The following HOMER3 variants were observed in gnomAD, a reference collection of about 807,000 sequenced individuals.
HOMER3 encodes the protein homer scaffold protein 3.
In HOMER3, 34 loss-of-function variants were observed where a neutral mutation model predicts 45.5. That is an observed-to-expected ratio of 0.75 (90% CI 0.57 to 1.00). HOMER3 has a LOEUF of 1.00. Ranked by LOEUF, HOMER3 falls within the 50% of genes least tolerant of loss-of-function variation. The pLI, the probability that HOMER3 is intolerant of heterozygous loss-of-function variation, is 0.00. For missense variants in HOMER3, 480 were observed against 497.5 expected, an observed-to-expected ratio of 0.96 and a Z score of 0.33; for synonymous variants, 223 against 208.8, an observed-to-expected ratio of 1.07 and a Z score of -0.58.
At chr19:18,932,883 C>CCCCCCCCCCCCCCCCCCCCA in intron 6 of HOMER3, 41 bp downstream of exon 6, 2 of 827,118 alleles carry the variant, frequency 2.4e-6, no homozygotes, top group Non-Finnish European at 3.5e-6. Flanking sequence ...TCCCCCACCC[C>CCCCCCCCCCCCCCCCCCCCA]TACCCCCGCC....
chr19:18,938,777 T>C lies in HOMER3; in HGVS notation c.122A>G (p.Tyr41Cys), dbSNP rs1179841687. ...GCGGTACACATTGCGGGTGGCATCG[T>C]AGAAATAGGAGACAGTGAGTGCGTG... ...GKHALTVSYF[Y>C]DATRNVYRII... The change falls in exon 3 of 10, where the codon TAC becomes TGC. Residue 41 changes from tyrosine (Y) to cysteine (C), a missense_variant. Physicochemically the swap from Tyr to Cys is radical, Grantham distance 194. Transcript: ENST00000392351. The C allele has an allele frequency of 1.3e-6, 2 of 1,595,474 alleles. No homozygotes were observed. Among genetic ancestry groups the C allele is most frequent in the East Asian group, 2.3e-5 (1 of 44,134 alleles).
chr19:18,938,802 G>T lies in HOMER3; in HGVS notation c.97C>A (p.His33Asn), dbSNP rs1380572562. ...TAGAAATAGGAGACAGTGAGTGCGT[G>T]CTTGCCCGCTGGGATCCAGTTTCGC... is the stretch of plus-strand genomic sequence containing the variant. ...TKRNWIPAGK[H>N]ALTVSYFYDA... is the part of the protein sequence containing the mutation. Residue 33 changes from histidine to asparagine, a missense_variant, in exon 3 of 10, where the codon CAC becomes AAC. By Grantham distance (68) the His-to-Asn change is moderately conservative (BLOSUM62 1). Transcript: ENST00000392351. 6.2e-7 allele frequency: 1 copy of T among 1,600,224 alleles called. No individual in the cohort carries two copies. The highest frequency in any genetic ancestry group is 8.5e-7 in the Non-Finnish European group (1 of 1,173,556).
rs371813163 is a variant in HOMER3 at position 18,929,449 on chromosome 19, C to T, written c.1080G>A (p.Ala360=). 5.1e-5 allele frequency: 81 copies of T among 1,592,614 alleles called. No individual in the cohort carries two copies. Among genetic ancestry groups the T allele is most frequent in the African/African-American group, 2.2e-4 (16 of 74,142 alleles). The change falls in exon 10 of 10, where the codon GCG becomes GCA. Residue 360 remains alanine (A), a synonymous_variant. Coordinates refer to ENST00000392351, the MANE Select transcript of HOMER3 (RefSeq NM_004838.4). ...REGLARLAEA[A]P is the part of the protein sequence containing the mutation. ...ATAGAAAACCAGCCCCGGCTCAGGG[C>T]GCAGCCTCAGCCAGGCGGGCCAGGC...
chr19:18,931,251 GTAGA>G, intron 9 of HOMER3, 70 bp downstream of exon 9: 2 of 1,287,690 alleles, frequency 1.6e-6, no homozygotes, highest in South Asian at 2.4e-5. Flanking sequence ...ATCATCTTAG[GTAGA>G]TATTGTCCTG....
intron 4 of HOMER3, among the ~76,000 whole-genome samples, chr19:18,936,325 T>TAA (rs949934317): frequency 1.0e-4 from 14 of 134,652 alleles, no homozygotes; most frequent in South Asian, 5.0e-4. Flanking sequence ...AAAAAATAAA[T>TAA]AAATAAATAA....
At position 18,929,515 on chromosome 19, in the gene HOMER3, C is replaced by A. The variant is rs755713207; in HGVS notation, c.1014G>T (p.Leu338=). 6.3e-7 allele frequency: 1 copy of A among 1,580,094 alleles called. No homozygotes were observed. The highest frequency in any genetic ancestry group is 1.8e-5 in the Admixed American group (1 of 56,324). Residue 338 remains leucine, a synonymous_variant, in exon 10 of 10, where the codon CTG becomes CTT. Coordinates refer to ENST00000392351, the MANE Select transcript of HOMER3 (RefSeq NM_004838.4). ...ARAEVGRAAQ[L]LDVSLFELSE... Reference sequence around the variant, plus strand: ...TCAGCTCAAACAGGCTGACGTCCAGCAGCTGCGCTGCCCGGCCCACCTCAG... The same window carrying A: ...TCAGCTCAAACAGGCTGACGTCCAGAAGCTGCGCTGCCCGGCCCACCTCAG...
intron 9 of HOMER3, 95 bp downstream of exon 9, chr19:18,931,230 C>T: frequency 8.7e-7 from 1 of 1,143,956 alleles, no homozygotes; most frequent in South Asian, 1.3e-5. Context: ...GACTGGGCCT[C>T]CCAATACTTT....
Position 18,931,707 on chromosome 19 carries a change from G to A in HOMER3, c.691-82C>T, listed in dbSNP as rs1396802011. ...CCAACCTCTAGGGAATCTGCCTCCT[G>A]TCTGGCCACGCCCAGGACCGAGCAC... On this transcript the variant is annotated intron_variant, in intron 7 of 9. Transcript: ENST00000392351. The A allele has an allele frequency of 1.1e-5, 16 of 1,518,358 alleles. No individual in the cohort carries two copies. The East Asian group carries it at 3.6e-4, about 34-fold the overall frequency. 94.1% of individuals were successfully genotyped at this position (1,518,358 alleles called of 1,614,324 possible).
chr19:18,932,884 T>TC, intron 6 of HOMER3, 40 bp downstream of exon 6: 2 of 312,350 alleles, frequency 6.4e-6, no homozygotes, highest in South Asian at 9.5e-5. Context: ...CCCCCACCCC[T>TC]ACCCCCGCCC....
rs928897170 is a variant in HOMER3 at position 18,932,001 on chromosome 19, G to A, written c.665C>T (p.Ala222Val). ...CCGCTGCCGCAGCCGCTCGGCCTCT[G>A]CACGCTGAGCCTCCAGCTGCTGCCT... The part of the protein sequence containing the change: ...QWRQQLEAQR[A>V]EAERLRQRVA... Residue 222 changes from alanine (A) to valine (V), a missense_variant, in exon 7 of 10, where the codon GCA becomes GTA. Physicochemically the swap from Ala to Val is moderately conservative, Grantham distance 64. Transcript: ENST00000392351. 5.8e-6 allele frequency: 9 copies of A among 1,545,574 alleles called. 1 individual carries two copies. The highest frequency in any genetic ancestry group is 3.9e-5 in the Admixed American group (2 of 50,674).
At chr19:18,936,317 A>AAAAT (rs57691524) in intron 4 of HOMER3, among the ~76,000 whole-genome samples, 43,366 of 138,858 alleles carry the variant, frequency 0.31, 7,887 homozygotes, top group Admixed American at 0.45. Flanking sequence ...CTGTCTCAAA[A>AAAAT]AAATAAATAA....
chr19:18,931,830 C>A (rs2057036351), intron 7 of HOMER3, 146 bp downstream of exon 7: 1 of 1,427,272 alleles, frequency 7.0e-7, no homozygotes, highest in African/African-American at 1.4e-5. Flanking sequence ...ACCCATTTTA[C>A]AGAGCAAGAA....
In HOMER3 at chr19:18,939,050, C is replaced by G; in HGVS notation, c.-67-1G>C. Reference sequence around the variant, plus strand: ...GGTGGCAGGAGCACTGGTTTGGCCCCTAGGGAGAGAGGAGGGACTATGAGT... The same window carrying G: ...GGTGGCAGGAGCACTGGTTTGGCCCGTAGGGAGAGAGGAGGGACTATGAGT... On this transcript the variant is annotated splice_acceptor_variant, in intron 1 of 9. Coordinates refer to ENST00000392351, the MANE Select transcript of HOMER3 (RefSeq NM_004838.4). LOFTEE classifies it low-confidence loss of function (5UTR_SPLICE). 2 of 1,477,120 alleles carry G rather than the reference C, an allele frequency of 1.4e-6. No individual in the cohort carries two copies. Among genetic ancestry groups the G allele is most frequent in the Non-Finnish European group, 1.8e-6 (2 of 1,106,946 alleles). The allele number at this position is 1,477,120 out of a possible 1,614,324, so 91.5% of individuals were successfully genotyped here. A position where few individuals can be genotyped will look rare whatever the true frequency, so the allele number is the denominator to read the frequency against.
Position 18,929,238 on chromosome 19 carries a change from C to G in HOMER3, c.*205G>C, listed in dbSNP as rs2057000544. 1.3e-6 allele frequency: 1 copy of G among 765,900 alleles called. No individual in the cohort carries two copies. The highest frequency in any genetic ancestry group is 2.4e-6 in the Non-Finnish European group (1 of 419,544). The allele number at this position is 765,900 out of a possible 1,614,324, so 47.4% of individuals were successfully genotyped here. A position where few individuals can be genotyped will look rare whatever the true frequency, so the allele number is the denominator to read the frequency against. ...AATGTAATCGGGGGATCTAGAAATT[C>G]TACACAATGAGAAGCTCAAAAACAG... On this transcript the variant is annotated 3_prime_UTR_variant, in exon 10 of 10. Coordinates refer to ENST00000392351, the MANE Select transcript of HOMER3 (RefSeq NM_004838.4).
rs780921386 is a variant in HOMER3, at chr19:18,932,892, C to T, written c.533+32G>A. On this transcript the variant is annotated intron_variant, in intron 6 of 9. Coordinates refer to ENST00000392351, the MANE Select transcript of HOMER3 (RefSeq NM_004838.4). The stretch of plus-strand genomic sequence containing the variant: ...TCCTCGTCCCCCACCCCTACCCCCG[C>T]CCCTGCCACGCCCCCAAGTCCCGCC... 17 of 1,156,074 alleles carry T rather than the reference C, an allele frequency of 1.5e-5. No homozygotes were observed. In the Admixed American group the frequency reaches 2.5e-4, roughly 17 times the overall value. 71.6% of individuals were successfully genotyped at this position (1,156,074 alleles called of 1,614,324 possible).
intron 1 of HOMER3, 72 bp from the exon 2 acceptor site, chr19:18,939,121 G>T: frequency 3.7e-6 from 3 of 809,938 alleles, no homozygotes; most frequent in South Asian, 1.9e-5. Flanking sequence ...TCCATCTCAG[G>T]ACCCATCACC....
chr19:18,938,260 T>C (rs983030756), intron 4 of HOMER3, 93 bp downstream of exon 4: 22 of 1,406,880 alleles, frequency 1.6e-5, no homozygotes, highest in East Asian at 2.3e-5. Context: ...GATGGGAAGA[T>C]AGGGGACCTG....
intron 7 of HOMER3, 88 bp from the exon 8 acceptor site, chr19:18,931,713 C>G: frequency 6.6e-7 from 1 of 1,517,034 alleles, no homozygotes. Flanking sequence ...TCCTGTCTGG[C>G]CACGCCCAGG....
chr19:18,931,509 C>G lies in HOMER3; in HGVS notation c.807G>C (p.Gln269His). ...CCCAGGAACCACACTTGGCACTCAC[C>G]TGGTCCTTGGTTTGCACCAGAGCTT... ...QLEALVQTKD[Q>H]EIQTLKSQTG... The change falls in exon 8 of 10, where the codon CAG becomes CAC. Residue 269 changes from glutamine (Q) to histidine (H), a missense_variant and splice_region_variant. Transcript: ENST00000392351. 1 of 1,613,600 alleles carries G rather than the reference C, an allele frequency of 6.2e-7. No homozygotes were observed. Among genetic ancestry groups the G allele is most frequent in the Non-Finnish European group, 8.5e-7 (1 of 1,179,780 alleles).
Sources: allele counts gnomAD v4.1 joint callset (sites outside exome capture counted in the v4.1 genomes callset), GRCh38; gene constraint gnomAD v4.1.1; transcripts MANE v1.5; gene names NCBI Gene and HGNC (gene_info 2026-07-23, HGNC 2026-07-21).